Variants in SLC10A7 observed in about 807,000 individuals in gnomAD.
SLC10A7 encodes the protein solute carrier family 10 member 7, also known as sodium/bile acid cotransporter 7.
In SLC10A7, 29 loss-of-function variants were observed where a neutral mutation model predicts 43.2. The observed-to-expected ratio is 0.67, with a 90% confidence interval of 0.50 to 0.92. The LOEUF (loss-of-function observed/expected upper bound fraction) is 0.92, where lower values mean the gene tolerates loss of function less well. SLC10A7 is among the 40% of genes least tolerant of loss of function. SLC10A7 has a pLI of 0.00. For synonymous variants in SLC10A7, 152 were observed against 144.8 expected (o/e 1.05, Z -0.35); for missense variants, 295 against 403.2 (o/e 0.73, Z 2.30).
intron 10 of SLC10A7, among the ~76,000 whole-genome samples, chr4:146,271,361 C>T (rs960638082): frequency 6.6e-6 from 1 of 152,186 alleles, no homozygotes; most frequent in African/African-American, 2.4e-5. Flanking sequence ...ATCTTGAATT[C>T]CTTTCTTTTA....
intron 6 of SLC10A7, among the ~76,000 whole-genome samples, chr4:146,314,805 C>CA (rs1210451184): frequency 1.3e-5 from 2 of 152,094 alleles, no homozygotes; most frequent in Admixed American, 6.6e-5. Flanking sequence ...GGTAAAAACT[C>CA]AAAGTGTTAC....
At chr4:146,304,533 G>C (rs1553953537) in intron 7 of SLC10A7, among the ~76,000 whole-genome samples, 1 of 152,136 alleles carries the variant, frequency 6.6e-6, no homozygotes, top group Non-Finnish European at 1.5e-5. Flanking sequence ...GGAGCAGGTT[G>C]TTCAGTTTCC....
At chr4:146,470,376 G>A (rs567535569) in intron 4 of SLC10A7, among the ~76,000 whole-genome samples, 3 of 150,994 alleles carry the variant, frequency 2.0e-5, no homozygotes, top group African/African-American at 7.3e-5. Flanking sequence ...ATGTACATAC[G>A]TATATATACA....
intron 5 of SLC10A7, among the ~76,000 whole-genome samples, chr4:146,383,295 T>C (rs1418759385): frequency 6.6e-6 from 1 of 152,138 alleles, no homozygotes; most frequent in Non-Finnish European, 1.5e-5. Context: ...GAATAGGGTC[T>C]AGGAGCAGGG....
intron 11 of SLC10A7, 62 bp downstream of exon 11, chr4:146,258,630 C>T: frequency 6.6e-7 from 1 of 1,505,368 alleles, no homozygotes; most frequent in Non-Finnish European, 8.9e-7. Context: ...ATGAACAGTT[C>T]AGATTCAGGA....
intron 5 of SLC10A7, among the ~76,000 whole-genome samples, chr4:146,332,129 C>A (rs775821620): frequency 6.6e-6 from 1 of 152,278 alleles, no homozygotes; most frequent in South Asian, 2.1e-4. Context: ...TTCCCCTTTA[C>A]AACTAGACCT....
chr4:146,294,169 CT>C, intron 7 of SLC10A7, 74 bp from the exon 8 acceptor site: 1 of 1,198,166 alleles, frequency 8.3e-7, no homozygotes, highest in Non-Finnish European at 1.1e-6. Context: ...CAAAGTGATT[CT>C]GACAGGAGAA....
At chr4:146,505,414 G>A (rs1736807740) in intron 3 of SLC10A7, among the ~76,000 whole-genome samples, 1 of 152,008 alleles carries the variant, frequency 6.6e-6, no homozygotes, top group Non-Finnish European at 1.5e-5. Context: ...TATATTATAG[G>A]TAAGGCCTCC....
intron 5 of SLC10A7, among the ~76,000 whole-genome samples, chr4:146,351,081 T>A (rs1305397855): frequency 6.6e-6 from 1 of 151,362 alleles, no homozygotes; most frequent in Non-Finnish European, 1.5e-5. Flanking sequence ...ATCAAATTAC[T>A]CTGAGCTACA....
intron 5 of SLC10A7, among the ~76,000 whole-genome samples, chr4:146,334,162 T>C (rs1053661624): frequency 6.6e-6 from 1 of 151,974 alleles, no homozygotes; most frequent in Non-Finnish European, 1.5e-5. Context: ...TTGGGAAAGA[T>C]GATGAGTTTG....
chr4:146,475,668 T>G (rs1432871389), intron 4 of SLC10A7, among the ~76,000 whole-genome samples: 1 of 152,184 alleles, frequency 6.6e-6, no homozygotes, highest in Admixed American at 6.5e-5. Flanking sequence ...TCAAAGCTAT[T>G]ACTCCAAACC....
chr4:146,319,075 G>A (rs1361850194), intron 6 of SLC10A7, among the ~76,000 whole-genome samples: 1 of 152,030 alleles, frequency 6.6e-6, no homozygotes, highest in African/African-American at 2.4e-5. Flanking sequence ...AAGTACAGCA[G>A]AACATGCATT....
rs578124108 is a variant in SLC10A7, at chr4:146,277,436, CTTTG to C, written c.847+5752_847+5755del. 2.0e-4 allele frequency among the ~76,000 whole-genome samples: 30 copies of C among 152,272 alleles called. No individual in the cohort carries two copies. In the South Asian group the frequency reaches 3.7e-3, roughly 19 times the overall value. ...ATCTCTAAAGAATATTATTGTATCA[CTTTG>C]TTTGAGAACTTCCATTTCTCTCTTT... On this transcript the variant is annotated intron_variant, in intron 10 of 11. Transcript: ENST00000335472.
intron 10 of SLC10A7, among the ~76,000 whole-genome samples, chr4:146,267,785 A>G (rs983591944): frequency 1.3e-5 from 2 of 152,090 alleles, no homozygotes; most frequent in African/African-American, 4.8e-5. Context: ...CTCTTTAATG[A>G]TTTTCTCAGT....
intron 5 of SLC10A7, among the ~76,000 whole-genome samples, chr4:146,345,656 A>C (rs1734569830): frequency 6.6e-6 from 1 of 152,028 alleles, no homozygotes; most frequent in Non-Finnish European, 1.5e-5. Context: ...TCACAGTTGT[A>C]ATTTTACATT....
At chr4:146,517,536 G>T (rs1487504052) in intron 1 of SLC10A7, among the ~76,000 whole-genome samples, 1 of 152,064 alleles carries the variant, frequency 6.6e-6, no homozygotes, top group Non-Finnish European at 1.5e-5. Flanking sequence ...TTAGATATCA[G>T]TGTCACCCCT....
rs1734897905 is a variant in SLC10A7, at chr4:146,349,832, A to G, written c.436-23836T>C. On this transcript the variant is annotated intron_variant, in intron 5 of 11. Coordinates refer to ENST00000335472, the MANE Select transcript of SLC10A7 (RefSeq NM_001029998.6). ...TGGCAACAATAGACACTGGGGACTA[A>G]TAGAGCAGGGATGAAGGAAGGGAGG... Among the ~76,000 whole-genome samples, 4 of 152,240 alleles carry G rather than the reference A, an allele frequency of 2.6e-5. No homozygotes were observed. The South Asian group carries it at 8.3e-4, about 32-fold the overall frequency.
chr4:146,470,109 A>G (rs973752747), intron 4 of SLC10A7, among the ~76,000 whole-genome samples: 17 of 152,236 alleles, frequency 1.1e-4, no homozygotes, highest in South Asian at 2.1e-4. Context: ...GGCAGCATAC[A>G]GAGCTTGCAC....
At position 146,350,982 on chromosome 4, in the gene SLC10A7, C is replaced by A. The variant is rs1735049101; in HGVS notation, c.436-24986G>T. Among the ~76,000 whole-genome samples, 3 of 150,218 alleles carry A rather than the reference C, an allele frequency of 2.0e-5. No homozygotes were observed. The South Asian group carries it at 6.3e-4, about 32-fold the overall frequency. On this transcript the variant is annotated intron_variant, in intron 5 of 11. Transcript: ENST00000335472. ...CTCTAAAACGCAGAGCGCCTCTCCT[C>A]CTTCAAAGGAACGCAGTTCCTCACC...
Sources: allele counts gnomAD v4.1 joint callset (sites outside exome capture counted in the v4.1 genomes callset), GRCh38; gene constraint gnomAD v4.1.1; transcripts MANE v1.5; gene names NCBI Gene and HGNC (gene_info 2026-07-23, HGNC 2026-07-21).